Variants in KCNK13 observed in about 807,000 individuals in gnomAD.
KCNK13 encodes the protein potassium channel subfamily K member 13.
A neutral mutation model predicts 23.4 loss-of-function variants in KCNK13; 12 were observed. That is an observed-to-expected ratio of 0.51 (90% CI 0.33 to 0.83). KCNK13 has a LOEUF of 0.83. KCNK13 is among the 40% of genes least tolerant of loss of function. The pLI is 0.02. For missense variants in KCNK13, 463 were observed against 556.3 expected (o/e 0.83, Z 1.69); for synonymous variants, 231 against 229.5 (o/e 1.01, Z -0.06).
intron 1 of KCNK13, among the ~76,000 whole-genome samples, chr14:90,163,204 G>A (rs1260644368): frequency 6.6e-6 from 1 of 152,214 alleles, no homozygotes; most frequent in Non-Finnish European, 1.5e-5. Context: ...GAACACAAAT[G>A]GCTTGTCAAG....
rs1229223943 is a variant in KCNK13, at chr14:90,184,844, C to G, written c.1068C>G (p.Asn356Lys). ...MISMKDLLAA[N>K]KASLAILQKQ... ...CCATGAAGGACTTGCTGGCAGCCAA[C>G]AAGGCCTCGTTGGCCATCCTGCAGA... The change falls in exon 2 of 2, where the codon AAC (asparagine) becomes AAG (lysine). Residue 356 changes from asparagine to lysine, a missense_variant. Coordinates refer to ENST00000282146, the MANE Select transcript of KCNK13 (RefSeq NM_022054.4). This position sits in a 1 kb window ranked among gnomAD's most constrained non-coding sequence, Gnocchi z 5.6. 1 of 1,613,858 alleles carries G rather than the reference C, an allele frequency of 6.2e-7. No homozygotes were observed. Among genetic ancestry groups the G allele is most frequent in the Non-Finnish European group, 8.5e-7 (1 of 1,179,942 alleles).
intron 1 of KCNK13, among the ~76,000 whole-genome samples, chr14:90,162,901 A>T (rs943233352): frequency 4.6e-5 from 7 of 152,368 alleles, no homozygotes; most frequent in African/African-American, 1.7e-4. Context: ...TCTTAAAAAT[A>T]TGTAAAGAGC....
intron 1 of KCNK13, among the ~76,000 whole-genome samples, chr14:90,087,156 T>A (rs867047182): frequency 0.034 from 4,034 of 117,250 alleles, 51 homozygotes; most frequent in African/African-American, 0.055. Context: ...ATATATATAT[T>A]TTTTTTTTTT....
chr14:90,112,471 G>A (rs1284686481), intron 1 of KCNK13, among the ~76,000 whole-genome samples: 4 of 152,098 alleles, frequency 2.6e-5, no homozygotes, highest in Non-Finnish European at 5.9e-5. Context: ...TAAAAACAAT[G>A]CAAATCATCA....
chr14:90,107,827 C>A, intron 1 of KCNK13: 1 of 864,606 alleles, frequency 1.2e-6, no homozygotes, highest in Non-Finnish European at 2.0e-6. Flanking sequence ...TCACAACCAC[C>A]AACCACACTA....
rs1214980638 is a variant in KCNK13 at position 90,185,181 on chromosome 14, G to C, written c.*178G>C. The C allele has an allele frequency of 7.4e-6, 4 of 542,320 alleles. No individual in the cohort carries two copies. Among genetic ancestry groups the C allele is most frequent in the Non-Finnish European group, 9.5e-6 (3 of 314,772 alleles). The allele number at this position is 542,320 out of a possible 1,614,324, so 33.6% of individuals were successfully genotyped here. On this transcript the variant is annotated 3_prime_UTR_variant, in exon 2 of 2. Transcript: ENST00000282146. ...CAACCAACAGCCACCTTCCAGGGATGGGGGGCCTGAAGCCTCGATGCTTGT... is the reference window on the plus strand; with the variant it reads ...CAACCAACAGCCACCTTCCAGGGATCGGGGGCCTGAAGCCTCGATGCTTGT...
intron 1 of KCNK13, among the ~76,000 whole-genome samples, chr14:90,153,047 T>G (rs944147650): frequency 1.3e-5 from 2 of 152,164 alleles, no homozygotes; most frequent in Admixed American, 6.5e-5. Flanking sequence ...GCTCTTCCTA[T>G]GCACTAGAAG....
At chr14:90,107,796 G>T (rs1429985508) in intron 1 of KCNK13, 1 of 853,624 alleles carries the variant, frequency 1.2e-6, no homozygotes, top group East Asian at 2.5e-5. Flanking sequence ...ATCAAACAAG[G>T]GCTTCTGGAA....
chr14:90,062,440 G>A lies in KCNK13; in HGVS notation c.235G>A (p.Glu79Lys). 9 of 1,547,332 alleles carry A rather than the reference G, an allele frequency of 5.8e-6. No homozygotes were observed. The highest frequency in any genetic ancestry group is 7.9e-6 in the Non-Finnish European group (9 of 1,146,184). The change falls in exon 1 of 2, where the codon GAG (glutamate) becomes AAG (lysine). Residue 79 changes from glutamate (E) to lysine (K), a missense_variant. Glu to Lys is a moderately conservative substitution (Grantham distance 56, BLOSUM62 1). This residue lies in a region of KCNK13 where 153 missense variants were observed against 153.6 expected (regional missense o/e 1.00). Coordinates refer to ENST00000282146, the MANE Select transcript of KCNK13 (RefSeq NM_022054.4). This position sits in a 1 kb window ranked among gnomAD's most constrained non-coding sequence, Gnocchi z 4.5. ...GCTGCGCGGCTTCCTCCGCCACTAC[G>A]AGGAGGCCACTCGGGCCGGCATCCG... ...DELRGFLRHY[E>K]EATRAGIRVD...
At chr14:90,105,628 T>C (rs546884830) in intron 1 of KCNK13, among the ~76,000 whole-genome samples, 18 of 152,140 alleles carry the variant, frequency 1.2e-4, no homozygotes, top group African/African-American at 3.9e-4. Flanking sequence ...ACAAAATCCA[T>C]TGTCTCCCCA....
chr14:90,107,912 A>G (rs1386597088), intron 1 of KCNK13: 1 of 758,866 alleles, frequency 1.3e-6, no homozygotes, highest in Non-Finnish European at 2.4e-6. Flanking sequence ...TAAAGATTGT[A>G]TAGGCAGATG....
In KCNK13 at chr14:90,078,768, T is replaced by G. The variant is rs142822797; in HGVS notation, c.334+16229T>G. 3.3e-3 allele frequency among the ~76,000 whole-genome samples: 502 copies of G among 152,192 alleles called. 5 individuals carry two copies. Among genetic ancestry groups the G allele is most frequent in the African/African-American group, 0.012 (480 of 41,510 alleles). On this transcript the variant is annotated intron_variant, in intron 1 of 1. Coordinates refer to ENST00000282146, the MANE Select transcript of KCNK13 (RefSeq NM_022054.4). Reference sequence around the variant, plus strand: ...AGCAATCATCACTCCTTCAATTAAGTAAGAACATTTTTCCTGGAGGACATG... The same window carrying G: ...AGCAATCATCACTCCTTCAATTAAGGAAGAACATTTTTCCTGGAGGACATG...
chr14:90,165,746 C>G (rs930246346), intron 1 of KCNK13, among the ~76,000 whole-genome samples: 3 of 152,160 alleles, frequency 2.0e-5, no homozygotes, highest in African/African-American at 7.2e-5. Context: ...TGTTTTTCAC[C>G]TTAAATGAGG....
intron 1 of KCNK13, among the ~76,000 whole-genome samples, chr14:90,112,039 C>A (rs1043507365): frequency 6.6e-6 from 1 of 152,204 alleles, no homozygotes; most frequent in Non-Finnish European, 1.5e-5. Flanking sequence ...ATTCTGGGAG[C>A]TGGGACGTCT....
At chr14:90,158,871 C>G (rs772561844) in intron 1 of KCNK13, among the ~76,000 whole-genome samples, 44 of 152,242 alleles carry the variant, frequency 2.9e-4, no homozygotes, top group Non-Finnish European at 4.6e-4. Context: ...TAGAACTTGA[C>G]AGTAGTGTTG....
At chr14:90,094,645 C>CTTTTTTTTTTTTTTTT (rs778654067) in intron 1 of KCNK13, among the ~76,000 whole-genome samples, 7 of 111,650 alleles carry the variant, frequency 6.3e-5, no homozygotes, top group African/African-American at 2.2e-4. Context: ...TCTTTTTTTT[C>CTTTTTTTTTTTTTTTT]TTTTTTTTTT....
chr14:90,134,683 C>G (rs1005357900), intron 1 of KCNK13, among the ~76,000 whole-genome samples: 2 of 152,146 alleles, frequency 1.3e-5, no homozygotes, highest in Non-Finnish European at 2.9e-5. Flanking sequence ...CTCATTTAAT[C>G]CTCATACTAT....
intron 1 of KCNK13, among the ~76,000 whole-genome samples, chr14:90,177,925 T>C (rs1378125704): frequency 2.0e-5 from 3 of 152,212 alleles, no homozygotes; most frequent in Non-Finnish European, 4.4e-5. Flanking sequence ...CATAAATATA[T>C]TTTACAAAGT....
At chr14:90,076,303 C>A (rs1889133537) in intron 1 of KCNK13, among the ~76,000 whole-genome samples, 2 of 152,206 alleles carry the variant, frequency 1.3e-5, no homozygotes, top group African/African-American at 4.8e-5. Flanking sequence ...ATATAATAGT[C>A]CCACAAGACC....
Sources: gnomAD v4.1 joint callset for allele counts (sites outside exome capture counted in the v4.1 genomes callset) on GRCh38, gnomAD v4.1.1 for gene constraint, gnomAD v4.1.1 regional missense constraint, Gnocchi (gnomAD v3.1) non-coding constraint, MANE v1.5 for transcripts, NCBI Gene and HGNC (gene_info 2026-07-23, HGNC 2026-07-21) for gene names.